ADAM32: variants seen among roughly 807,000 people sequenced by gnomAD.
The protein encoded by ADAM32 is disintegrin and metalloproteinase domain-containing protein 32.
In ADAM32, 89 loss-of-function variants were observed where a neutral mutation model predicts 114.9. That is an observed-to-expected ratio of 0.77 (90% CI 0.65 to 0.92). ADAM32 has a LOEUF of 0.92. Ranked by LOEUF, ADAM32 falls within the 40% of genes least tolerant of loss-of-function variation. ADAM32 has a pLI of 0.00. For synonymous variants in ADAM32, 285 were observed against 307.5 expected (o/e 0.93, Z 0.77); for missense variants, 870 against 932.8 (o/e 0.93, Z 0.88).
At chr8:39,193,148 C>T (rs1008031083) in intron 11 of ADAM32, among the ~76,000 whole-genome samples, 2 of 152,178 alleles carry the variant, frequency 1.3e-5, no homozygotes, top group Non-Finnish European at 2.9e-5. Context: ...GAGTTGTAGA[C>T]TTAGTTTCTT....
intron 3 of ADAM32, among the ~76,000 whole-genome samples, chr8:39,140,181 G>A (rs1198839977): frequency 1.3e-5 from 2 of 152,258 alleles, no homozygotes; most frequent in Non-Finnish European, 1.5e-5. Context: ...TCTCTTGCCT[G>A]ATTTCCCTGG....
chr8:39,240,064 T>C (rs1380206685), intron 16 of ADAM32, among the ~76,000 whole-genome samples: 2 of 152,186 alleles, frequency 1.3e-5, no homozygotes, highest in African/African-American at 2.4e-5. Context: ...AATTATACCC[T>C]AGAACAAATA....
At chr8:39,152,460 A>G (rs7829660) in intron 6 of ADAM32, among the ~76,000 whole-genome samples, 151,517 of 152,272 alleles carry the variant, frequency 1, 75,387 homozygotes, top group Middle Eastern at 1. Context: ...GGTGGCTCAC[A>G]CCTGTAATCC....
intron 10 of ADAM32, among the ~76,000 whole-genome samples, chr8:39,182,000 C>T (rs528686916): frequency 7.9e-5 from 12 of 152,304 alleles, no homozygotes; most frequent in Non-Finnish European, 1.0e-4. Flanking sequence ...TTTATACTTA[C>T]ACTTTTACAA....
At chr8:39,144,040 G>T (rs1266217527) in intron 3 of ADAM32, among the ~76,000 whole-genome samples, 1 of 152,168 alleles carries the variant, frequency 6.6e-6, no homozygotes. Flanking sequence ...GACACAGGAG[G>T]GTATCTCCTG....
chr8:39,247,697 C>T (rs1394099393), intron 17 of ADAM32, among the ~76,000 whole-genome samples: 1 of 151,176 alleles, frequency 6.6e-6, no homozygotes, highest in African/African-American at 2.4e-5. Flanking sequence ...TTATGAGGCC[C>T]AGCTTCTTAA....
intron 1 of ADAM32, 90 bp from the exon 2 acceptor site, chr8:39,117,996 T>C (rs1346631464): frequency 3.5e-6 from 3 of 864,544 alleles, no homozygotes; most frequent in South Asian, 1.9e-5. Flanking sequence ...CACCCATACC[T>C]GCACAAGTAA....
At chr8:39,118,282 C>A in intron 2 of ADAM32, 117 bp downstream of exon 2, 1 of 534,498 alleles carries the variant, frequency 1.9e-6, no homozygotes, top group Non-Finnish European at 3.0e-6. Context: ...TGTATTTCTA[C>A]TGATAGGAAT....
intron 16 of ADAM32, among the ~76,000 whole-genome samples, chr8:39,239,527 G>C (rs1810416729): frequency 6.6e-6 from 1 of 152,000 alleles, no homozygotes; most frequent in Non-Finnish European, 1.5e-5. Context: ...AAATAATCAA[G>C]ATATTCAGGA....
At chr8:39,148,371 T>A (rs573632210) in intron 4 of ADAM32, among the ~76,000 whole-genome samples, 1 of 152,202 alleles carries the variant, frequency 6.6e-6, no homozygotes, top group South Asian at 2.1e-4. Context: ...CAGACCCATA[T>A]GTTTTTCATC....
intron 2 of ADAM32, among the ~76,000 whole-genome samples, chr8:39,119,952 T>A (rs1267408626): frequency 6.6e-6 from 1 of 152,150 alleles, no homozygotes; most frequent in Non-Finnish European, 1.5e-5. Context: ...ATAGGACTGA[T>A]GTACTTATAA....
intron 10 of ADAM32, among the ~76,000 whole-genome samples, chr8:39,177,838 C>A (rs1805621389): frequency 6.6e-6 from 1 of 152,096 alleles, no homozygotes; most frequent in Non-Finnish European, 1.5e-5. Context: ...AATATTGGCC[C>A]CCAATCTCTT....
intron 17 of ADAM32, among the ~76,000 whole-genome samples, chr8:39,251,378 C>CAA (rs80261294): frequency 6.8e-6 from 1 of 148,102 alleles, no homozygotes; most frequent in African/African-American, 2.5e-5. Flanking sequence ...CTTTTTGTTA[C>CAA]AAAAAAAAAA....
intron 15 of ADAM32, among the ~76,000 whole-genome samples, chr8:39,233,486 T>C (rs936035068): frequency 1.3e-5 from 2 of 152,188 alleles, no homozygotes; most frequent in African/African-American, 4.8e-5. Flanking sequence ...GAGGTCACTT[T>C]CATCGCCATC....
chr8:39,131,977 T>C, intron 2 of ADAM32: 1 of 317,786 alleles, frequency 3.1e-6, no homozygotes, highest in African/African-American at 2.3e-5. Context: ...CACCTCAATC[T>C]CCGTCTCCCG....
chr8:39,149,760 A>G, intron 4 of ADAM32, 31 bp from the exon 5 acceptor site: 1 of 1,508,850 alleles, frequency 6.6e-7, no homozygotes, highest in African/African-American at 1.4e-5. Flanking sequence ...GTTACTTCCT[A>G]AGTGACTACT....
chr8:39,142,484 G>T (rs918239019), intron 3 of ADAM32, among the ~76,000 whole-genome samples: 6 of 152,128 alleles, frequency 3.9e-5, no homozygotes, highest in African/African-American at 1.2e-4. Context: ...CTGGATATGA[G>T]ATTCTGGGTT....
At chr8:39,148,874 G>T (rs975883094) in intron 4 of ADAM32, among the ~76,000 whole-genome samples, 2 of 152,066 alleles carry the variant, frequency 1.3e-5, no homozygotes, top group South Asian at 4.1e-4. Context: ...CTGTGACAAT[G>T]TTTGTGACTC....
At chr8:39,138,492 AG>A (rs1802942342) in intron 3 of ADAM32, among the ~76,000 whole-genome samples, 1 of 152,208 alleles carries the variant, frequency 6.6e-6, no homozygotes, top group African/African-American at 2.4e-5. Context: ...GTCCCTGCAA[AG>A]GACATAAACT....
Sources: allele counts gnomAD v4.1 joint callset (sites outside exome capture counted in the v4.1 genomes callset), GRCh38; gene constraint gnomAD v4.1.1; transcripts MANE v1.5; gene names NCBI Gene and HGNC (gene_info 2026-07-23, HGNC 2026-07-21).